Variants in NOL4L observed in about 807,000 individuals in gnomAD.
The protein encoded by NOL4L is nucleolar protein 4-like.
In NOL4L, 7 loss-of-function variants were observed where a neutral mutation model predicts 64.5. The observed-to-expected ratio is 0.11, with a 90% CI of 0.06 to 0.20. The LOEUF (loss-of-function observed/expected upper bound fraction) is 0.20. Ranked by LOEUF, NOL4L falls within the 10% of genes least tolerant of loss-of-function variation. The pLI is 1.00. For missense variants in NOL4L, 680 were observed against 967.1 expected (o/e 0.70, Z 3.94); for synonymous variants, 413 against 401.0 (o/e 1.03, Z -0.36).
At chr20:32,455,369 GAAT>G in intron 6 of NOL4L, among the ~76,000 whole-genome samples, 2 of 152,254 alleles carry the variant, frequency 1.3e-5, no homozygotes, top group African/African-American at 4.8e-5. Context: ...CCATGGTACA[GAAT>G]GTCCCCACGA....
At chr20:32,503,590 C>T (rs2017011020) in intron 4 of NOL4L, among the ~76,000 whole-genome samples, 1 of 152,220 alleles carries the variant, frequency 6.6e-6, no homozygotes, top group Non-Finnish European at 1.5e-5. Context: ...TGCACATTTT[C>T]AGGAGCAGAC....
Position 32,462,903 on chromosome 20 carries a change from TAA to T in NOL4L, c.842-6510_842-6509del, listed in dbSNP as rs564168973. On this transcript the variant is annotated intron_variant, in intron 5 of 10. Coordinates refer to ENST00000621426, the MANE Select transcript of NOL4L (RefSeq NM_001256798.2). ...CTGGCGACAAAGCGAGACTCTGTCTTAAAAAAAAAAAAAAAAAAAACTGATTT... is the reference window on the plus strand; with the variant it reads ...CTGGCGACAAAGCGAGACTCTGTCTTAAAAAAAAAAAAAAAAAACTGATTT... Among the ~76,000 whole-genome samples the T allele has an allele frequency of 2.9e-4, 22 of 76,638 alleles. 1 individual carries two copies. In the East Asian group the frequency reaches 4.5e-3, roughly 16 times the overall value. The allele number at this position is 76,638 out of a possible 152,430, so 50.3% of individuals were successfully genotyped here.
intron 4 of NOL4L, chr20:32,475,496 C>CGCTGCCG (rs2015331638): frequency 7.4e-6 from 2 of 270,740 alleles, no homozygotes; most frequent in Admixed American, 6.5e-5. Context: ...CCTCTCTCCT[C>CGCTGCCG]GCTGCCGGCT....
intron 5 of NOL4L, among the ~76,000 whole-genome samples, chr20:32,461,623 C>T (rs1392478369): frequency 2.0e-5 from 3 of 151,188 alleles, no homozygotes; most frequent in Non-Finnish European, 3.0e-5. Context: ...GGGGTTTCAC[C>T]GTGTTAGCCA....
chr20:32,549,328 A>C (rs2018769455), intron 1 of NOL4L, among the ~76,000 whole-genome samples: 1 of 152,194 alleles, frequency 6.6e-6, no homozygotes, highest in Non-Finnish European at 1.5e-5. Flanking sequence ...TCTTCAATAG[A>C]GATATACAAA....
intron 1 of NOL4L, among the ~76,000 whole-genome samples, chr20:32,583,439 C>T (rs1302267940): frequency 1.6e-5 from 2 of 125,818 alleles, no homozygotes; most frequent in African/African-American, 2.9e-5. Context: ...GCGGGCCGGC[C>T]GGGGGAGGAG....
chr20:32,533,020 G>A (rs1308782833), intron 1 of NOL4L, among the ~76,000 whole-genome samples: 2 of 152,176 alleles, frequency 1.3e-5, no homozygotes, highest in East Asian at 3.9e-4. Context: ...GCATGGTGGC[G>A]CATGCCTGTA....
chr20:32,494,252 G>GAAAAAAAAAAAAAAAAAAA (rs1568654908), intron 4 of NOL4L, among the ~76,000 whole-genome samples: 2 of 27,094 alleles, frequency 7.4e-5, no homozygotes, highest in African/African-American at 3.1e-4. Flanking sequence ...GATAATCTCG[G>GAAAAAAAAAAAAAAAAAAA]GAAAAAAAAA....
intron 10 of NOL4L, among the ~76,000 whole-genome samples, chr20:32,451,181 A>G (rs1568589975): frequency 6.6e-6 from 1 of 152,066 alleles, no homozygotes; most frequent in African/African-American, 2.4e-5. Context: ...CCTTTCTCCA[A>G]CCTACTCAGG....
chr20:32,505,408 T>C (rs1318057932), intron 4 of NOL4L, among the ~76,000 whole-genome samples: 1 of 152,182 alleles, frequency 6.6e-6, no homozygotes, highest in East Asian at 1.9e-4. Context: ...GTTAATACAA[T>C]GAAATATTAT....
chr20:32,453,822 C>A lies in NOL4L; in HGVS notation c.1120-61G>T. 1 of 1,492,174 alleles carries A rather than the reference C, an allele frequency of 6.7e-7. No individual in the cohort carries two copies. Among genetic ancestry groups the A allele is most frequent in the South Asian group, 1.2e-5 (1 of 81,624 alleles). 92.4% of individuals were successfully genotyped at this position (1,492,174 alleles called of 1,614,324 possible). On this transcript the variant is annotated intron_variant, in intron 6 of 10. Transcript: ENST00000621426. The surrounding 1 kb of genome is among the most constrained non-coding windows in gnomAD (Gnocchi z 5.6). Reference sequence around the variant, plus strand: ...GCAGCTGCTCAAGCCCTTGCTGGGTCTCCTACAGGCGGTGAGCTTGGGGAC... The same window carrying A: ...GCAGCTGCTCAAGCCCTTGCTGGGTATCCTACAGGCGGTGAGCTTGGGGAC...
At chr20:32,537,784 T>C (rs370125368) in intron 1 of NOL4L, among the ~76,000 whole-genome samples, 237 of 151,428 alleles carry the variant, frequency 1.6e-3, no homozygotes, top group African/African-American at 5.1e-3. Context: ...GCGTTTCTTT[T>C]TTTTTTTTTT....
intron 3 of NOL4L, among the ~76,000 whole-genome samples, chr20:32,513,406 T>C (rs2017498456): frequency 6.6e-6 from 1 of 152,080 alleles, no homozygotes; most frequent in Non-Finnish European, 1.5e-5. Flanking sequence ...AATAGGCAAA[T>C]TCAAAGAGAC....
At chr20:32,562,558 C>T (rs995169630) in intron 1 of NOL4L, among the ~76,000 whole-genome samples, 1 of 152,096 alleles carries the variant, frequency 6.6e-6, no homozygotes, top group African/African-American at 2.4e-5. Context: ...GTATACTCTG[C>T]CAGAAAATCT....
chr20:32,494,469 C>T (rs1383123600), intron 4 of NOL4L, among the ~76,000 whole-genome samples: 3 of 152,004 alleles, frequency 2.0e-5, no homozygotes, highest in South Asian at 2.1e-4. Flanking sequence ...CCACTTTCCC[C>T]GTTTCCTTTC....
At chr20:32,483,522 G>A in intron 4 of NOL4L, 2 of 983,262 alleles carry the variant, frequency 2.0e-6, no homozygotes, top group African/African-American at 1.8e-5. Context: ...TGCCCGGCCC[G>A]GGGGCGGGGG....
At chr20:32,581,786 C>T (rs2145628525) in intron 1 of NOL4L, among the ~76,000 whole-genome samples, 1 of 152,304 alleles carries the variant, frequency 6.6e-6, no homozygotes, top group East Asian at 1.9e-4. Context: ...GGGTACTAAA[C>T]AAATGCTTTT....
At chr20:32,546,131 A>G (rs572829109) in intron 1 of NOL4L, among the ~76,000 whole-genome samples, 45 of 151,714 alleles carry the variant, frequency 3.0e-4, no homozygotes, top group Non-Finnish European at 5.0e-4. Flanking sequence ...TATTTTTAGT[A>G]GAGACGGGGT....
At chr20:32,491,476 T>G (rs1291299778) in intron 4 of NOL4L, among the ~76,000 whole-genome samples, 1 of 152,244 alleles carries the variant, frequency 6.6e-6, no homozygotes, top group Non-Finnish European at 1.5e-5. Flanking sequence ...TTCTGTTTCC[T>G]GCATTAACTT....
Sources: gnomAD v4.1 joint callset for allele counts (sites outside exome capture counted in the v4.1 genomes callset) on GRCh38, gnomAD v4.1.1 for gene constraint, Gnocchi (gnomAD v3.1) non-coding constraint, MANE v1.5 for transcripts, NCBI Gene and HGNC (gene_info 2026-07-23, HGNC 2026-07-21) for gene names.